Variants in SYT1 observed in about 807,000 individuals in gnomAD.
The protein encoded by SYT1 is synaptotagmin 1.
SYT1 carries 8 observed loss-of-function variants against 44.8 expected under a neutral mutation model. The ratio of observed to expected loss-of-function variants is 0.18; its 90% CI spans 0.10 to 0.32. The LOEUF (loss-of-function observed/expected upper bound fraction) is 0.32, where lower values mean the gene tolerates loss of function less well. Ranked by LOEUF, SYT1 falls within the 10% of genes least tolerant of loss-of-function variation. The pLI, the probability that SYT1 is intolerant of heterozygous loss-of-function variation, is 1.00. For synonymous variants in SYT1, 154 were observed against 188.8 expected, an observed-to-expected ratio of 0.82 and a Z score of 1.51; for missense variants, 286 against 509.3, an observed-to-expected ratio of 0.56 and a Z score of 4.22.
intron 4 of SYT1, among the ~76,000 whole-genome samples, chr12:79,257,974 C>T (rs1031501135): frequency 6.6e-6 from 1 of 152,060 alleles, no homozygotes; most frequent in Admixed American, 6.6e-5. Context: ...TCTGAATTCT[C>T]CCTTCTGATG....
intron 2 of SYT1, among the ~76,000 whole-genome samples, chr12:79,031,324 T>C (rs1010841011): frequency 8.6e-5 from 13 of 151,056 alleles, no homozygotes; most frequent in Non-Finnish European, 1.3e-4. Flanking sequence ...GATATTCCCT[T>C]TTAAGTAATA....
At chr12:78,969,118 T>C (rs946324150) in intron 1 of SYT1, among the ~76,000 whole-genome samples, 3 of 152,190 alleles carry the variant, frequency 2.0e-5, no homozygotes, top group African/African-American at 7.2e-5. Flanking sequence ...TCCTGAACAA[T>C]AGACTATAAC....
At position 79,114,118 on chromosome 12, in the gene SYT1, G is replaced by A. The variant is rs186313895; in HGVS notation, c.-18+66756G>A. Among the ~76,000 whole-genome samples, 131 of 152,218 alleles carry A rather than the reference G, an allele frequency of 8.6e-4. 2 individuals carry two copies. Among genetic ancestry groups the A allele is most frequent in the Admixed American group, 2.2e-3 (34 of 15,274 alleles). ...ATGTCTTTGCTAAGGAAAATACCTT[G>A]GGTTGTGGGAACTGCCTTGGTGGAT... On this transcript the variant is annotated intron_variant, in intron 3 of 10. Transcript: ENST00000261205.
At chr12:78,937,778 T>G (rs956435105) in intron 1 of SYT1, among the ~76,000 whole-genome samples, 1 of 152,200 alleles carries the variant, frequency 6.6e-6, no homozygotes, top group African/African-American at 2.4e-5. Flanking sequence ...TGTGCTATAA[T>G]GCTGAAAATA....
intron 4 of SYT1, among the ~76,000 whole-genome samples, chr12:79,276,910 A>C (rs575336602): frequency 1.3e-5 from 2 of 151,704 alleles, no homozygotes; most frequent in East Asian, 3.9e-4. Context: ...AATCCAGAAG[A>C]AGAAGGAAAA....
At chr12:79,213,608 A>G (rs781419760) in intron 3 of SYT1, among the ~76,000 whole-genome samples, 1 of 152,236 alleles carries the variant, frequency 6.6e-6, no homozygotes, top group Non-Finnish European at 1.5e-5. Flanking sequence ...CTGAATAAGC[A>G]AACTATGTAC....
At chr12:79,029,571 A>G (rs1254103433) in intron 2 of SYT1, among the ~76,000 whole-genome samples, 1 of 151,184 alleles carries the variant, frequency 6.6e-6, no homozygotes, top group African/African-American at 2.4e-5. Flanking sequence ...TCACTTGTGA[A>G]ATTAGTGAAA....
At chr12:79,014,731 A>C (rs1359907084) in intron 2 of SYT1, among the ~76,000 whole-genome samples, 1 of 152,156 alleles carries the variant, frequency 6.6e-6, no homozygotes, top group African/African-American at 2.4e-5. Context: ...AAAGGACTAT[A>C]AATCATGCTG....
chr12:79,353,185 A>G (rs1882981221), intron 8 of SYT1, among the ~76,000 whole-genome samples: 1 of 152,206 alleles, frequency 6.6e-6, no homozygotes, highest in South Asian at 2.1e-4. Context: ...TTGCAGTGCT[A>G]TTCAGAGCAC....
intron 2 of SYT1, among the ~76,000 whole-genome samples, chr12:78,992,618 T>C (rs962619135): frequency 2.0e-5 from 3 of 152,164 alleles, no homozygotes; most frequent in Non-Finnish European, 2.9e-5. Context: ...GTTTAAAAGA[T>C]GTCAGCCTAC....
intron 3 of SYT1, among the ~76,000 whole-genome samples, chr12:79,096,225 G>A (rs756008164): frequency 1.3e-5 from 2 of 151,848 alleles, no homozygotes; most frequent in African/African-American, 2.4e-5. Flanking sequence ...AGAAAAAAGG[G>A]ACCTCAGAAA....
intron 1 of SYT1, among the ~76,000 whole-genome samples, chr12:78,964,831 C>A (rs1879688656): frequency 6.6e-6 from 1 of 152,100 alleles, no homozygotes; most frequent in Admixed American, 6.5e-5. Context: ...AACTTTTCTT[C>A]TCCTCTTAGA....
rs917583238 is a variant in SYT1, at chr12:78,999,900, C to A, written c.-84+21969C>A. 2.0e-5 allele frequency among the ~76,000 whole-genome samples: 3 copies of A among 152,054 alleles called. No homozygotes were observed. In the South Asian group the frequency reaches 6.2e-4, roughly 32 times the overall value. ...ATAAGCACTTGCACTTAATAGGTGCCAGGGTGCCGATTATACAACTGGATA... is the reference window on the plus strand; with the variant it reads ...ATAAGCACTTGCACTTAATAGGTGCAAGGGTGCCGATTATACAACTGGATA... On this transcript the variant is annotated intron_variant, in intron 2 of 10. Transcript: ENST00000261205.
intron 9 of SYT1, among the ~76,000 whole-genome samples, chr12:79,438,023 G>A (rs561187269): frequency 1.0e-3 from 158 of 152,234 alleles, no homozygotes; most frequent in African/African-American, 3.1e-3. Context: ...CTGTGGAAAC[G>A]CCAGCAAAGG....
intron 1 of SYT1, among the ~76,000 whole-genome samples, chr12:78,947,058 T>G (rs1447338401): frequency 2.0e-5 from 3 of 152,168 alleles, no homozygotes; most frequent in Non-Finnish European, 4.4e-5. Context: ...TGACATTTAT[T>G]TATTGTATCT....
intron 3 of SYT1, among the ~76,000 whole-genome samples, chr12:79,123,335 G>GTGTC (rs1469973576): frequency 3.3e-4 from 50 of 151,668 alleles, no homozygotes; most frequent in Admixed American, 2.8e-3. Context: ...GTGTGTGTGT[G>GTGTC]TGTGTGTGTG....
rs551340667 is a variant in SYT1 at position 79,388,640 on chromosome 12, T to G, written c.928+35021T>G. On this transcript the variant is annotated intron_variant, in intron 9 of 10. Coordinates refer to ENST00000261205, the MANE Select transcript of SYT1 (RefSeq NM_005639.3). ...GTCAGAGGATCACTTGAGCCAGGGATGTGGCGGTTGCAATGAGCCAGGATC... is the reference window on the plus strand; with the variant it reads ...GTCAGAGGATCACTTGAGCCAGGGAGGTGGCGGTTGCAATGAGCCAGGATC... Among the ~76,000 whole-genome samples, 4 of 152,176 alleles carry G rather than the reference T, an allele frequency of 2.6e-5. No individual in the cohort carries two copies. The South Asian group carries it at 8.3e-4, about 32-fold the overall frequency.
chr12:78,945,801 C>T (rs934516806), intron 1 of SYT1, among the ~76,000 whole-genome samples: 11 of 152,144 alleles, frequency 7.2e-5, no homozygotes, highest in African/African-American at 2.7e-4. Flanking sequence ...CTTATTCAGT[C>T]CCTGATCCTC....
rs185538137 is a variant in SYT1, at chr12:78,924,495, A to G, written c.-216-53304A>G. ...GTTCCATATTTTCTTTACATTTATT[A>G]GTCGAGTTTCCACCTGAAAAACAGC... On this transcript the variant is annotated intron_variant, in intron 1 of 10. Transcript: ENST00000261205. Among the ~76,000 whole-genome samples, 599 of 151,558 alleles carry G rather than the reference A, an allele frequency of 4.0e-3. 4 individuals carry two copies. The highest frequency in any genetic ancestry group is 0.014 in the African/African-American group (564 of 41,430).
Sources: allele counts gnomAD v4.1 joint callset (sites outside exome capture counted in the v4.1 genomes callset), GRCh38; gene constraint gnomAD v4.1.1; transcripts MANE v1.5; gene names NCBI Gene and HGNC (gene_info 2026-07-23, HGNC 2026-07-21).